The following DIAPH2 variants were observed in gnomAD, a reference collection of about 807,000 sequenced individuals.
The protein encoded by DIAPH2 is protein diaphanous homolog 2.
In DIAPH2, 35 loss-of-function variants were observed where a neutral mutation model predicts 92.7. That is an observed-to-expected ratio of 0.38 (90% CI 0.29 to 0.50). DIAPH2 has a LOEUF of 0.50. DIAPH2 is among the 20% of genes least tolerant of loss of function. The pLI is 0.94. For synonymous variants in DIAPH2, 301 were observed against 280.4 expected, an observed-to-expected ratio of 1.07 and a Z score of -0.73; for missense variants, 701 against 819.5, an observed-to-expected ratio of 0.86 and a Z score of 1.77.
intron 23 of DIAPH2, among the ~76,000 whole-genome samples, chrX:97,254,702 A>T (rs868307970): frequency 9.4e-6 from 1 of 105,823 alleles, no homozygotes; most frequent in Non-Finnish European, 1.9e-5. Flanking sequence ...TATTTTATTT[A>T]TTTTATTTTA....
chrX:96,731,898 T>C (rs1208539820), intron 1 of DIAPH2, among the ~76,000 whole-genome samples: 2 of 112,065 alleles, frequency 1.8e-5, no homozygotes, highest in African/African-American at 6.5e-5. Flanking sequence ...TGGTACAATA[T>C]GCCCTCATTG....
intron 17 of DIAPH2, among the ~76,000 whole-genome samples, chrX:97,041,080 G>A (rs2066445506): frequency 9.0e-6 from 1 of 110,891 alleles, no homozygotes; most frequent in South Asian, 3.7e-4. Context: ...CTTATCCTTT[G>A]ATGACAGTGT....
At position 97,402,758 on chromosome X, in the gene DIAPH2, G is replaced by A. The variant is rs1042526454; in HGVS notation, c.3145+18714G>A. On this transcript the variant is annotated intron_variant, in intron 25 of 26. Coordinates refer to ENST00000324765, the MANE Select transcript of DIAPH2 (RefSeq NM_006729.5). ...AGTTAGTGCAGCCTCTAACGGAAGT[G>A]ACTTAACCAGTGGGAAATTCTTCCT... Among the ~76,000 whole-genome samples the A allele has an allele frequency of 5.3e-5, 6 of 112,187 alleles. No individual in the cohort carries two copies. The Admixed American group carries it at 5.7e-4, about 11-fold the overall frequency.
At chrX:96,922,030 A>G in intron 9 of DIAPH2, among the ~76,000 whole-genome samples, 1 of 111,426 alleles carries the variant, frequency 9.0e-6, no homozygotes, top group Non-Finnish European at 1.9e-5. Context: ...GACAGTGTTT[A>G]AAATACTTTA....
At chrX:97,583,552 T>C (rs1393720440) in intron 26 of DIAPH2, among the ~76,000 whole-genome samples, 4 of 111,504 alleles carry the variant, frequency 3.6e-5, no homozygotes, top group African/African-American at 1.3e-4. Context: ...CAGCTGCATG[T>C]TGGGAGAACC....
intron 17 of DIAPH2, among the ~76,000 whole-genome samples, chrX:96,988,330 G>A (rs895731901): frequency 9.0e-6 from 1 of 110,737 alleles, no homozygotes; most frequent in African/African-American, 3.3e-5. Context: ...TGATGGTTAT[G>A]GAAAATAACT....
At chrX:97,293,486 C>CAG (rs754418527) in intron 23 of DIAPH2, among the ~76,000 whole-genome samples, 2 of 110,276 alleles carry the variant, frequency 1.8e-5, no homozygotes, top group East Asian at 5.7e-4. Flanking sequence ...CTCCTGACCT[C>CAG]GTAATCTGCC....
chrX:96,708,406 T>G (rs1420065875), intron 1 of DIAPH2, among the ~76,000 whole-genome samples: 1 of 110,139 alleles, frequency 9.1e-6, no homozygotes, highest in Non-Finnish European at 1.9e-5. Context: ...CGCGCCTGGC[T>G]AATTTTTGTA....
intron 23 of DIAPH2, among the ~76,000 whole-genome samples, chrX:97,342,048 C>G (rs1323058901): frequency 3.6e-5 from 4 of 112,328 alleles, no homozygotes; most frequent in Non-Finnish European, 7.5e-5. Context: ...CATCATTCTA[C>G]TGATAAACAT....
intron 22 of DIAPH2, among the ~76,000 whole-genome samples, chrX:97,198,293 CACACACACACATAT>C (rs1454118322): frequency 9.3e-6 from 1 of 108,008 alleles, no homozygotes; most frequent in African/African-American, 3.4e-5. Flanking sequence ...CACACACACA[CACACACACACATAT>C]GTGTATATAC....
chrX:97,198,301 C>CACACACACACACAT (rs2067719630), intron 22 of DIAPH2, among the ~76,000 whole-genome samples: 1 of 94,806 alleles, frequency 1.1e-5, no homozygotes, highest in African/African-American at 3.6e-5. Context: ...CACACACACA[C>CACACACACACACAT]ACATATGTGT....
At chrX:96,746,053 A>C (rs571949264) in intron 3 of DIAPH2, among the ~76,000 whole-genome samples, 1 of 111,104 alleles carries the variant, frequency 9.0e-6, no homozygotes, top group East Asian at 2.8e-4. Flanking sequence ...GCATGTGCCA[A>C]ATAAACGTGA....
chrX:97,483,469 A>G (rs951575480), intron 26 of DIAPH2, among the ~76,000 whole-genome samples: 1 of 111,618 alleles, frequency 9.0e-6, no homozygotes, highest in Non-Finnish European at 1.9e-5. Flanking sequence ...ACAACTGCCA[A>G]TTGGATTGTA....
At chrX:97,572,768 G>A (rs750644284) in intron 26 of DIAPH2, among the ~76,000 whole-genome samples, 35 of 111,649 alleles carry the variant, frequency 3.1e-4, no homozygotes, top group African/African-American at 1.1e-3. Context: ...AGTGTATTAT[G>A]GCAGGGAACA....
intron 23 of DIAPH2, among the ~76,000 whole-genome samples, chrX:97,287,523 G>A (rs1268144246): frequency 2.7e-5 from 3 of 109,617 alleles, no homozygotes; most frequent in African/African-American, 6.6e-5. Flanking sequence ...TATATCAGTA[G>A]GCTATATAAA....
chrX:96,787,243 G>A (rs1000034478), intron 4 of DIAPH2, among the ~76,000 whole-genome samples: 1 of 111,527 alleles, frequency 9.0e-6, no homozygotes, highest in Non-Finnish European at 1.9e-5. Context: ...AACTTACAAG[G>A]CATGGAATAG....
chrX:97,485,630 T>G (rs901440164), intron 26 of DIAPH2, among the ~76,000 whole-genome samples: 2 of 113,069 alleles, frequency 1.8e-5, no homozygotes, highest in Non-Finnish European at 3.7e-5. Context: ...CACACTGCAT[T>G]GATGCATTTT....
Position 96,809,790 on chromosome X carries a change from T to G in DIAPH2, c.447+51532T>G, listed in dbSNP as rs188685235. Among the ~76,000 whole-genome samples the G allele has an allele frequency of 1.7e-3, 194 of 111,695 alleles. 3 individuals carry two copies. The highest frequency in any genetic ancestry group is 6.1e-3 in the African/African-American group (187 of 30,783). ...GTGTTTGGTTTTCTGTCCTTGTGATTGTTTGCTCAGAATGATGGTTTCCAG... is the reference window on the plus strand; with the variant it reads ...GTGTTTGGTTTTCTGTCCTTGTGATGGTTTGCTCAGAATGATGGTTTCCAG... On this transcript the variant is annotated intron_variant, in intron 4 of 26. Transcript: ENST00000324765.
intron 22 of DIAPH2, among the ~76,000 whole-genome samples, chrX:97,229,815 TTATATA>T (rs1219752643): frequency 1.4e-5 from 1 of 73,918 alleles, no homozygotes; most frequent in Non-Finnish European, 3.1e-5. Context: ...TATATTGTTA[TTATATA>T]TAATAACAAT....
Sources: allele counts gnomAD v4.1 joint callset (sites outside exome capture counted in the v4.1 genomes callset), GRCh38; gene constraint gnomAD v4.1.1; transcripts MANE v1.5; gene names NCBI Gene and HGNC (gene_info 2026-07-23, HGNC 2026-07-21).